Variants in PDSS1 observed in about 807,000 individuals in gnomAD.
The protein encoded by PDSS1 is all trans-polyprenyl-diphosphate synthase PDSS1.
A neutral mutation model predicts 57.5 loss-of-function variants in PDSS1; 43 were observed. The observed-to-expected ratio is 0.75, with a 90% confidence interval of 0.59 to 0.96. The LOEUF (loss-of-function observed/expected upper bound fraction) is 0.96, where lower values mean the gene tolerates loss of function less well. Ranked by LOEUF, PDSS1 falls within the 50% of genes least tolerant of loss-of-function variation. The pLI, the probability that PDSS1 is intolerant of heterozygous loss-of-function variation, is 0.00. For missense variants in PDSS1, 438 were observed against 527.8 expected, an observed-to-expected ratio of 0.83 and a Z score of 1.67; for synonymous variants, 175 against 191.3, an observed-to-expected ratio of 0.91 and a Z score of 0.70.
At chr10:26,737,716 C>T (rs1297602141) in intron 10 of PDSS1, among the ~76,000 whole-genome samples, 11 of 113,150 alleles carry the variant, frequency 9.7e-5, no homozygotes, top group Non-Finnish European at 1.6e-4. Flanking sequence ...GAGTGAGACT[C>T]CGTCTCAAAA....
intron 5 of PDSS1, among the ~76,000 whole-genome samples, chr10:26,714,240 A>C (rs748090967): frequency 3.1e-4 from 47 of 152,258 alleles, no homozygotes; most frequent in Admixed American, 6.5e-4. Context: ...TTGGGAGGCC[A>C]AGGTGGGTGG....
chr10:26,723,038 G>C (rs1435889900), intron 6 of PDSS1, among the ~76,000 whole-genome samples: 1 of 151,982 alleles, frequency 6.6e-6, no homozygotes, highest in Non-Finnish European at 1.5e-5. Flanking sequence ...CTCAGTACTA[G>C]CTGAGATGAT....
In PDSS1 at chr10:26,735,483, G is replaced by A; in HGVS notation, c.930G>A (p.Leu310=). The change falls in exon 10 of 12, where the codon TTG becomes TTA. Residue 310 remains leucine, a synonymous_variant. Transcript: ENST00000376215. ...GIAFQLIDDV[L]DFTSCSDQMG... ...TTTGCCAGCTAATAGATGATGTATT[G>A]GACTTCACCTCGTGTTCTGACCAGA... 1.2e-6 allele frequency: 2 copies of A among 1,611,248 alleles called. No homozygotes were observed. The highest frequency in any genetic ancestry group is 4.5e-5 in the East Asian group (2 of 44,872).
chr10:26,701,946 C>T (rs559112506), intron 1 of PDSS1: 73 of 422,952 alleles, frequency 1.7e-4, no homozygotes, highest in African/African-American at 1.4e-3. Context: ...TCTTGGGAGC[C>T]CACCCTTTGC....
intron 5 of PDSS1, among the ~76,000 whole-genome samples, chr10:26,713,421 A>G: frequency 6.6e-6 from 1 of 152,172 alleles, no homozygotes; most frequent in East Asian, 1.9e-4. Flanking sequence ...ACTGATTTTT[A>G]TATTTTCCTT....
chr10:26,723,654 C>T (rs1017728584), intron 6 of PDSS1, 152 bp from the exon 7 acceptor site: 31 of 708,978 alleles, frequency 4.4e-5, no homozygotes, highest in Non-Finnish European at 4.4e-5. Context: ...CTGATTGTTA[C>T]GGACTCCTGT....
chr10:26,730,073 C>T (rs112077615), intron 8 of PDSS1, among the ~76,000 whole-genome samples: 27,352 of 151,388 alleles, frequency 0.18, 2,641 homozygotes, highest in African/African-American at 0.21. Context: ...CTACCACGCC[C>T]GGCTAATTTT....
chr10:26,718,054 T>TA (rs140874616), intron 5 of PDSS1: 1 of 151,284 alleles, frequency 6.6e-6, no homozygotes, highest in East Asian at 1.9e-4. Flanking sequence ...TTTGGTTTTT[T>TA]TGTGTTTTTT....
chr10:26,702,316 C>T, intron 2 of PDSS1, 122 bp downstream of exon 2: 1 of 349,814 alleles, frequency 2.9e-6, no homozygotes, highest in Non-Finnish European at 5.7e-6. Flanking sequence ...GAGCAAGGGG[C>T]AGAACGATAT....
chr10:26,729,313 C>A (rs1305625110), intron 8 of PDSS1, among the ~76,000 whole-genome samples: 1 of 152,044 alleles, frequency 6.6e-6, no homozygotes, highest in Non-Finnish European at 1.5e-5. Flanking sequence ...TGGGTGTCAT[C>A]GTTTCTAGAC....
intron 5 of PDSS1, among the ~76,000 whole-genome samples, chr10:26,713,800 G>C (rs571915277): frequency 6.6e-6 from 1 of 152,280 alleles, no homozygotes; most frequent in African/African-American, 2.4e-5. Context: ...CTCTGCCCCA[G>C]CTGCTGTACC....
chr10:26,726,194 A>G (rs1027597562), intron 8 of PDSS1, among the ~76,000 whole-genome samples: 19 of 152,220 alleles, frequency 1.2e-4, no homozygotes, highest in African/African-American at 4.3e-4. Context: ...TTATAAAGAT[A>G]TGCACCTCAT....
chr10:26,740,908 T>C (rs1206763620), intron 10 of PDSS1: 1 of 307,358 alleles, frequency 3.3e-6, no homozygotes. Flanking sequence ...CACTTCTAAA[T>C]AGTTGCTAAG....
At chr10:26,729,731 T>G (rs1419875104) in intron 8 of PDSS1, among the ~76,000 whole-genome samples, 2 of 152,098 alleles carry the variant, frequency 1.3e-5, no homozygotes, top group Non-Finnish European at 2.9e-5. Flanking sequence ...TACGTATCAG[T>G]GTGGTTGTGT....
intron 6 of PDSS1, 135 bp from the exon 7 acceptor site, chr10:26,723,668 GGAA>G (rs1207394268): frequency 1.2e-5 from 9 of 734,948 alleles, no homozygotes; most frequent in African/African-American, 3.4e-5. Context: ...CTCCTGTTGA[GGAA>G]GAAGAAGGTA....
chr10:26,706,888 G>T (rs1236882094), intron 4 of PDSS1, among the ~76,000 whole-genome samples: 2 of 152,188 alleles, frequency 1.3e-5, no homozygotes, highest in African/African-American at 4.8e-5. Flanking sequence ...GGGGCCTAAG[G>T]CAGAAGGAGA....
chr10:26,730,991 G>A (rs796551138), intron 8 of PDSS1, among the ~76,000 whole-genome samples: 15 of 151,498 alleles, frequency 9.9e-5, no homozygotes, highest in African/African-American at 3.1e-4. Flanking sequence ...GCCGAATCAC[G>A]AGGTCAGGAG....
chr10:26,725,163 C>T (rs1835910674), intron 8 of PDSS1, among the ~76,000 whole-genome samples: 1 of 152,064 alleles, frequency 6.6e-6, no homozygotes, highest in African/African-American at 2.4e-5. Flanking sequence ...GAGACAAAAC[C>T]TGGACAAATG....
At chr10:26,700,159 C>G (rs1835000729) in intron 1 of PDSS1, among the ~76,000 whole-genome samples, 1 of 142,222 alleles carries the variant, frequency 7.0e-6, no homozygotes, top group African/African-American at 2.4e-5. Flanking sequence ...CTCAATATAT[C>G]TTTGATTTTT....
Sources: gnomAD v4.1 joint callset for allele counts (sites outside exome capture counted in the v4.1 genomes callset) on GRCh38, gnomAD v4.1.1 for gene constraint, MANE v1.5 for transcripts, NCBI Gene and HGNC (gene_info 2026-07-23, HGNC 2026-07-21) for gene names.